The following BDP1 variants were observed in gnomAD, a reference collection of about 807,000 sequenced individuals.
BDP1 encodes the protein transcription factor TFIIIB component B'' homolog.
A neutral mutation model predicts 266.6 loss-of-function variants in BDP1; 169 were observed. The ratio of observed to expected loss-of-function variants is 0.63; its 90% CI spans 0.56 to 0.72. The LOEUF (loss-of-function observed/expected upper bound fraction) is 0.72, where lower values mean the gene tolerates loss of function less well. BDP1 is among the 30% of genes least tolerant of loss of function. The probability of loss-of-function intolerance (pLI) is 0.00; values close to 1 mark genes in which losing one functional copy is unlikely to be tolerated. For synonymous variants in BDP1, 1,090 were observed against 1,022.4 expected (o/e 1.07, Z -1.26); for missense variants, 3,015 against 3,053.8 (o/e 0.99, Z 0.30).
At position 71,489,408 on chromosome 5, in the gene BDP1, A is replaced by G. The variant is rs759771479; in HGVS notation, c.1218A>G (p.Lys406=). The part of the protein sequence containing the change: ...STKPRKNVKV[K]KVACEGVNND... The stretch of plus-strand genomic sequence containing the variant: ...AGTAATTTCTCTTGTTTTCAGTGAA[A>G]AAAGTTGCCTGTGAAGGAGTGAATA... Residue 406 remains lysine, a synonymous_variant, in exon 10 of 39, where the codon AAA becomes AAG. Transcript: ENST00000358731. The G allele has an allele frequency of 9.5e-6, 15 of 1,578,970 alleles. No homozygotes were observed. In the South Asian group the frequency reaches 1.5e-4, roughly 16 times the overall value.
At chr5:71,533,509 A>C (rs1350495343) in intron 26 of BDP1, among the ~76,000 whole-genome samples, 7 of 138,710 alleles carry the variant, frequency 5.0e-5, no homozygotes, top group African/African-American at 1.9e-4. Context: ...ATTGTCACCC[A>C]AACTAGAGTG....
chr5:71,467,574 C>T (rs976469830), intron 6 of BDP1, 87 bp downstream of exon 6: 2 of 1,124,632 alleles, frequency 1.8e-6, no homozygotes, highest in Admixed American at 2.3e-5. Context: ...CCCCTAAGTA[C>T]ATAAAATGCA....
chr5:71,497,744 A>G (rs4704050), intron 13 of BDP1, among the ~76,000 whole-genome samples: 46,249 of 152,064 alleles, frequency 0.3, 8,047 homozygotes, highest in East Asian at 0.51. Flanking sequence ...TCATCTACAC[A>G]CAGGCAGTCT....
chr5:71,474,500 T>A (rs1762466715), intron 7 of BDP1, among the ~76,000 whole-genome samples: 1 of 151,724 alleles, frequency 6.6e-6, no homozygotes, highest in Non-Finnish European at 1.5e-5. Context: ...CCAGCTAATT[T>A]TTGTATTTTT....
chr5:71,520,640 C>T (rs1478979084), intron 22 of BDP1, among the ~76,000 whole-genome samples: 1 of 150,394 alleles, frequency 6.6e-6, no homozygotes, highest in Non-Finnish European at 1.5e-5. Context: ...CTTATATACT[C>T]ATTTATTCCA....
At chr5:71,535,454 C>T (rs1241447412) in intron 26 of BDP1, among the ~76,000 whole-genome samples, 1 of 152,120 alleles carries the variant, frequency 6.6e-6, no homozygotes, top group Admixed American at 6.5e-5. Context: ...ATCTGCCCAC[C>T]TTGGCCTCCC....
At chr5:71,547,932 G>A (rs1295539665) in intron 32 of BDP1, among the ~76,000 whole-genome samples, 1 of 151,954 alleles carries the variant, frequency 6.6e-6, no homozygotes. Context: ...CTCCAGCCTG[G>A]CGACAGAGCG....
chr5:71,521,956 T>C (rs569870337), intron 22 of BDP1, among the ~76,000 whole-genome samples: 1 of 136,936 alleles, frequency 7.3e-6, no homozygotes, highest in South Asian at 2.3e-4. Flanking sequence ...CTTCAGCTAC[T>C]TGCCTTTTTT....
intron 25 of BDP1, among the ~76,000 whole-genome samples, chr5:71,527,820 CTT>C (rs375443211): frequency 1.0e-4 from 14 of 139,918 alleles, no homozygotes; most frequent in Admixed American, 7.2e-5. Flanking sequence ...TCTTTTAATT[CTT>C]TTTTTTTTTT....
At chr5:71,533,894 T>G (rs1019916875) in intron 26 of BDP1, among the ~76,000 whole-genome samples, 28 of 152,342 alleles carry the variant, frequency 1.8e-4, no homozygotes, top group African/African-American at 6.5e-4. Context: ...ATATCATCTT[T>G]GAGAAATGTC....
chr5:71,456,539 A>G (rs1421119054), intron 1 of BDP1, among the ~76,000 whole-genome samples: 1 of 152,136 alleles, frequency 6.6e-6, no homozygotes, highest in East Asian at 1.9e-4. Flanking sequence ...AGTTCTGGTC[A>G]CTTAATTGAA....
chr5:71,487,932 T>G (rs1485996825), intron 9 of BDP1, among the ~76,000 whole-genome samples: 2 of 152,218 alleles, frequency 1.3e-5, no homozygotes, highest in South Asian at 2.1e-4. Context: ...CCTGCAAAAT[T>G]AACTCTTTAC....
rs183546526 is a variant in BDP1, at chr5:71,467,672, T to C, written c.919+185T>C. On this transcript the variant is annotated intron_variant, in intron 6 of 38. Coordinates refer to ENST00000358731, the MANE Select transcript of BDP1 (RefSeq NM_018429.3). The stretch of plus-strand genomic sequence containing the variant: ...TATCTCTGACTTTGTCTTACAAATC[T>C]TCAAAAAAATTTTATTTTTTATAGC... 2.4e-4 allele frequency among the ~76,000 whole-genome samples: 37 copies of C among 152,280 alleles called. 2 individuals carry two copies. The South Asian group carries it at 7.7e-3, about 32-fold the overall frequency.
intron 35 of BDP1, among the ~76,000 whole-genome samples, chr5:71,556,275 T>G (rs1372802467): frequency 1.3e-5 from 2 of 152,142 alleles, no homozygotes; most frequent in Non-Finnish European, 2.9e-5. Context: ...AGTTCTAATT[T>G]TTTTGTAATT....
chr5:71,569,512 C>A (rs374557268), downstream of BDP1, among the ~76,000 whole-genome samples: 7 of 151,852 alleles, frequency 4.6e-5, no homozygotes, highest in Non-Finnish European at 1.0e-4. Context: ...TTTGGGAGGC[C>A]GAGATGGGAG....
In BDP1 at chr5:71,491,060, C is replaced by G. The variant is rs1375858433; in HGVS notation, c.1569C>G (p.Asn523Lys). 6.2e-7 allele frequency: 1 copy of G among 1,613,950 alleles called. No individual in the cohort carries two copies. The highest frequency in any genetic ancestry group is 1.7e-5 in the Admixed American group (1 of 60,000). ...SKEQMLSCTQ[N>K]IDGIVGFAST... Reference sequence around the variant, plus strand: ...AGCAGATGCTTTCCTGCACACAAAACATAGATGGCATTGTGGGTTTTGCCT... The same window carrying G: ...AGCAGATGCTTTCCTGCACACAAAAGATAGATGGCATTGTGGGTTTTGCCT... The change falls in exon 11 of 39, where the codon AAC becomes AAG. Residue 523 changes from asparagine to lysine, a missense_variant. Coordinates refer to ENST00000358731, the MANE Select transcript of BDP1 (RefSeq NM_018429.3).
chr5:71,578,208 A>G, the BDP1 span, among the ~76,000 whole-genome samples: 7 of 152,274 alleles, frequency 4.6e-5, no homozygotes, highest in East Asian at 1.2e-3. Context: ...TCTTTTGCCT[A>G]ATAAATATGG....
intron 7 of BDP1, 89 bp downstream of exon 7, chr5:71,470,578 C>A: frequency 1.5e-5 from 12 of 811,020 alleles, no homozygotes; most frequent in Non-Finnish European, 2.3e-5. Flanking sequence ...TGGTTTAAAT[C>A]TTAGTTCATC....
chr5:71,466,043 T>G, intron 4 of BDP1, 53 bp from the exon 5 acceptor site: 1 of 1,587,278 alleles, frequency 6.3e-7, no homozygotes, highest in Non-Finnish European at 8.6e-7. Flanking sequence ...TTTTATACTA[T>G]TTAGGCACAC....
Sources: allele counts gnomAD v4.1 joint callset (sites outside exome capture counted in the v4.1 genomes callset), GRCh38; gene constraint gnomAD v4.1.1; transcripts MANE v1.5; gene names NCBI Gene and HGNC (gene_info 2026-07-23, HGNC 2026-07-21).